Variants in ZFYVE28 observed in about 807,000 individuals in gnomAD.
ZFYVE28 encodes zinc finger FYVE-type containing 28.
Under a neutral mutation model 82.1 loss-of-function variants are expected in ZFYVE28, and 40 were observed. The observed-to-expected ratio is 0.49, with a 90% CI of 0.38 to 0.63. The LOEUF (loss-of-function observed/expected upper bound fraction) is 0.63. Ranked by LOEUF, ZFYVE28 falls within the 30% of genes least tolerant of loss-of-function variation. The probability of loss-of-function intolerance (pLI) is 0.00; values close to 1 mark genes in which losing one functional copy is unlikely to be tolerated. For missense variants in ZFYVE28, 1,321 were observed against 1,242.1 expected (o/e 1.06, Z -0.96); for synonymous variants, 612 against 546.1 (o/e 1.12, Z -1.68).
At chr4:2,379,832 G>A (rs1194492263) in intron 1 of ZFYVE28, among the ~76,000 whole-genome samples, 1 of 151,420 alleles carries the variant, frequency 6.6e-6, no homozygotes, top group Admixed American at 6.6e-5. Flanking sequence ...CTGTCACCCA[G>A]GCTGGAGTGC....
At chr4:2,366,929 C>G (rs1200233713) in intron 1 of ZFYVE28, among the ~76,000 whole-genome samples, 1 of 152,204 alleles carries the variant, frequency 6.6e-6, no homozygotes, top group Non-Finnish European at 1.5e-5. Context: ...GCAAGCCAAG[C>G]CAGACGCAAA....
intron 6 of ZFYVE28, among the ~76,000 whole-genome samples, chr4:2,322,389 T>G (rs1215662721): frequency 6.6e-6 from 1 of 152,004 alleles, no homozygotes; most frequent in Non-Finnish European, 1.5e-5. Flanking sequence ...CACCCAGGCC[T>G]GCGTCCATGC....
chr4:2,398,717 G>GT (rs1334427118), intron 1 of ZFYVE28, among the ~76,000 whole-genome samples: 2 of 4,258 alleles, frequency 4.7e-4, no homozygotes, highest in East Asian at 9.4e-3. Context: ...GGGCACAAGC[G>GT]GGGGCAAGAT....
Position 2,304,284 on chromosome 4 carries a change from C to T in ZFYVE28, c.2051+5G>A. The stretch of plus-strand genomic sequence containing the variant: ...ACCCAGTCTCTGGGCCAGACTGGCT[C>T]TTACCTGGAGCCCGACAGGGCCTGA... On this transcript the variant is annotated splice_donor_5th_base_variant and intron_variant, in intron 8 of 12. Transcript: ENST00000290974. The T allele has an allele frequency of 6.4e-7, 1 of 1,562,278 alleles. No homozygotes were observed. Among genetic ancestry groups the T allele is most frequent in the Non-Finnish European group, 8.6e-7 (1 of 1,162,854 alleles).
chr4:2,403,113 C>G (rs10008613), intron 1 of ZFYVE28, among the ~76,000 whole-genome samples: 1 of 152,124 alleles, frequency 6.6e-6, no homozygotes, highest in Non-Finnish European at 1.5e-5. Context: ...GCCTGATGAC[C>G]CCTCTGGGCT....
intron 2 of ZFYVE28, among the ~76,000 whole-genome samples, chr4:2,342,312 G>A (rs1005034009): frequency 2.0e-5 from 3 of 152,202 alleles, no homozygotes; most frequent in Admixed American, 1.3e-4. Flanking sequence ...ATCCCTCATG[G>A]CTGTTCAACG....
intron 1 of ZFYVE28, among the ~76,000 whole-genome samples, chr4:2,402,333 C>T (rs987756666): frequency 1.4e-4 from 21 of 152,172 alleles, no homozygotes; most frequent in Non-Finnish European, 2.8e-4. Flanking sequence ...AAGCCGGCAC[C>T]GCCCCCGCCA....
intron 9 of ZFYVE28, 47 bp downstream of exon 9, chr4:2,274,015 C>A (rs769485669): frequency 6.2e-7 from 1 of 1,601,916 alleles, no homozygotes; most frequent in Admixed American, 1.7e-5. Context: ...AAAGCGCAGC[C>A]CGTGTGTCCT....
intron 6 of ZFYVE28, among the ~76,000 whole-genome samples, chr4:2,324,300 G>A (rs888110169): frequency 7.9e-5 from 12 of 152,224 alleles, no homozygotes; most frequent in Middle Eastern, 3.4e-3. Context: ...ACGGAGGGTC[G>A]TCAGCTGTAC....
intron 1 of ZFYVE28, among the ~76,000 whole-genome samples, chr4:2,415,058 C>A (rs1732890959): frequency 1.3e-5 from 2 of 152,156 alleles, no homozygotes; most frequent in African/African-American, 4.8e-5. Context: ...CAAGAAAAAT[C>A]ATATTGGTGT....
At chr4:2,271,883 C>T in intron 10 of ZFYVE28, 104 bp from the exon 11 acceptor site, 1 of 1,065,338 alleles carries the variant, frequency 9.4e-7, no homozygotes, top group East Asian at 2.5e-5. Context: ...AGCAGTCGGT[C>T]AGCTCCCCAA....
chr4:2,366,451 C>T (rs1726898009), intron 1 of ZFYVE28, among the ~76,000 whole-genome samples: 1 of 152,204 alleles, frequency 6.6e-6, no homozygotes, highest in South Asian at 2.1e-4. Context: ...CAGTTCCCTG[C>T]ACCTGCTGTC....
chr4:2,369,850 C>T (rs79987841), intron 1 of ZFYVE28, among the ~76,000 whole-genome samples: 362 of 60,868 alleles, frequency 5.9e-3, no homozygotes, highest in Middle Eastern at 0.019. Flanking sequence ...TTTTTCTTTT[C>T]TTTTTTTTTT....
chr4:2,344,750 G>A (rs867645724), intron 2 of ZFYVE28, among the ~76,000 whole-genome samples: 2 of 151,754 alleles, frequency 1.3e-5, no homozygotes, highest in Middle Eastern at 6.8e-3. Context: ...TACACAATTA[G>A]CCGGGTGTGG....
At chr4:2,309,326 C>A (rs1717162333) in intron 7 of ZFYVE28, among the ~76,000 whole-genome samples, 1 of 152,172 alleles carries the variant, frequency 6.6e-6, no homozygotes, top group African/African-American at 2.4e-5. Context: ...TCCCAACCTC[C>A]AGAATCATGA....
At chr4:2,304,253 G>C in intron 8 of ZFYVE28, 36 bp downstream of exon 8, 1 of 1,525,806 alleles carries the variant, frequency 6.6e-7, no homozygotes, top group Non-Finnish European at 8.7e-7. Context: ...AGTGCAGAGA[G>C]GACAAACCCA....
intron 1 of ZFYVE28, among the ~76,000 whole-genome samples, chr4:2,412,182 C>A (rs1394909109): frequency 6.6e-6 from 1 of 152,184 alleles, no homozygotes; most frequent in Non-Finnish European, 1.5e-5. Context: ...CAGAAAAAGG[C>A]ACAGGGGTGG....
chr4:2,386,096 G>A (rs534593038), intron 1 of ZFYVE28, among the ~76,000 whole-genome samples: 1 of 152,120 alleles, frequency 6.6e-6, no homozygotes, highest in Non-Finnish European at 1.5e-5. Context: ...TCACTCCCAC[G>A]GCTGCAGCAG....
chr4:2,293,379 T>C (rs1714029290), intron 8 of ZFYVE28, among the ~76,000 whole-genome samples: 1 of 151,518 alleles, frequency 6.6e-6, no homozygotes, highest in Admixed American at 6.6e-5. Flanking sequence ...CAAGATCATC[T>C]ATGTAGGAAA....
Sources: gnomAD v4.1 joint callset for allele counts (sites outside exome capture counted in the v4.1 genomes callset) on GRCh38, gnomAD v4.1.1 for gene constraint, MANE v1.5 for transcripts, NCBI Gene and HGNC (gene_info 2026-07-23, HGNC 2026-07-21) for gene names.